Variants in ADA2 observed in about 807,000 individuals in gnomAD.
The protein encoded by ADA2 is adenosine deaminase CECR1.
A neutral mutation model predicts 44.2 loss-of-function variants in ADA2; 29 were observed. The observed-to-expected ratio is 0.66, with a 90% confidence interval of 0.49 to 0.89. The LOEUF is 0.89. Ranked by LOEUF, ADA2 falls within the 40% of genes least tolerant of loss-of-function variation. The probability of loss-of-function intolerance (pLI) is 0.00; values close to 1 mark genes in which losing one functional copy is unlikely to be tolerated. For missense variants in ADA2, 637 were observed against 644.8 expected, an observed-to-expected ratio of 0.99 and a Z score of 0.13; for synonymous variants, 215 against 234.9, an observed-to-expected ratio of 0.92 and a Z score of 0.77.
Position 17,180,711 on chromosome 22 carries a change from T to G in ADA2, c.*772A>C, listed in dbSNP as rs1466088636. ...ACCTCATCAGTTTCTGAGATTCCTG[T>G]GAGCTCTCCAAGTGCATAAATAAAT... On this transcript the variant is annotated 3_prime_UTR_variant, in exon 10 of 10. Transcript: ENST00000399837. The G allele has an allele frequency of 2.0e-5, 3 of 152,184 alleles. No individual in the cohort carries two copies. The highest frequency in any genetic ancestry group is 7.2e-5 in the African/African-American group (3 of 41,434). The allele number at this position is 152,184 out of a possible 1,614,324, so 9.4% of individuals were successfully genotyped here.
rs751424354 is a variant in ADA2 at position 17,191,684 on chromosome 22, T to C, written c.880A>G (p.Arg294Gly). The change falls in exon 5 of 10, where the codon AGA becomes GGA. Residue 294 changes from arginine to glycine, a missense_variant and splice_region_variant. Transcript: ENST00000399837. ...CTTTTCAGCAATATTCTCTCTCACCTGTGATCCGAATAAATGATTTTGATT... is the reference window on the plus strand; with the variant it reads ...CTTTTCAGCAATATTCTCTCTCACCCGTGATCCGAATAAATGATTTTGATT... ...IGIKIIYSDH[R>G]SKDVAVIAES... 1.3e-6 allele frequency: 2 copies of C among 1,596,432 alleles called. No individual in the cohort carries two copies. Among genetic ancestry groups the C allele is most frequent in the Non-Finnish European group, 1.7e-6 (2 of 1,168,536 alleles).
chr22:17,199,438 T>TCTTCCCCTCCCTCCCCTCCTCAATCCA, intron 4 of ADA2: 1 of 995,464 alleles, frequency 1.0e-6, no homozygotes, highest in Non-Finnish European at 1.6e-6. Flanking sequence ...TCCTCTATCC[T>TCTTCCCCTCCCTCCCCTCCTCAATCCA]CTTCCCCTCC....
intron 4 of ADA2, among the ~76,000 whole-genome samples, chr22:17,194,571 C>T (rs1021880389): frequency 2.6e-5 from 4 of 152,136 alleles, no homozygotes; most frequent in Non-Finnish European, 5.9e-5. Context: ...TCTTCTGTTT[C>T]CTCTGCTGCC....
rs907831348 is a variant in ADA2 at position 17,181,138 on chromosome 22, C to T, written c.*345G>A. On this transcript the variant is annotated 3_prime_UTR_variant, in exon 10 of 10. Transcript: ENST00000399837. ...GGGCAACAAGAGCAAAACTCCATCTCGAAAAAATACAAAAATAAAAAAATA... is the reference window on the plus strand; with the variant it reads ...GGGCAACAAGAGCAAAACTCCATCTTGAAAAAATACAAAAATAAAAAAATA... The T allele has an allele frequency of 4.5e-5, 8 of 178,780 alleles. No homozygotes were observed. Among genetic ancestry groups the T allele is most frequent in the Admixed American group, 5.9e-5 (1 of 16,904 alleles). 11.1% of individuals were successfully genotyped at this position (178,780 alleles called of 1,614,324 possible). A position where few individuals can be genotyped will look rare whatever the true frequency, so the allele number is the denominator to read the frequency against.
rs1601419543 is a variant in ADA2, at chr22:17,181,341, C to T, written c.*142G>A. 1.5e-6 allele frequency: 1 copy of T among 672,136 alleles called. No homozygotes were observed. Among genetic ancestry groups the T allele is most frequent in the East Asian group, 2.6e-5 (1 of 39,108 alleles). The allele number at this position is 672,136 out of a possible 1,614,324, so 41.6% of individuals were successfully genotyped here. On this transcript the variant is annotated 3_prime_UTR_variant, in exon 10 of 10. Transcript: ENST00000399837. ...AATATTTCCAGAGGATGAATTTGCT[C>T]AGCCAGCCAAGTGCTTCTCACAGGG...
At chr22:17,206,145 A>ATAGC (rs2062351486) in intron 3 of ADA2, among the ~76,000 whole-genome samples, 1 of 152,098 alleles carries the variant, frequency 6.6e-6, no homozygotes, top group African/African-American at 2.4e-5. Flanking sequence ...GCATCAGACA[A>ATAGC]ATCTCATTTG....
rs554264514 is a variant in ADA2 at position 17,189,933 on chromosome 22, A to G, written c.972+9T>C. 231 of 1,604,864 alleles carry G rather than the reference A, an allele frequency of 1.4e-4. No individual in the cohort carries two copies. The South Asian group carries it at 2.4e-3, about 17-fold the overall frequency. On this transcript the variant is annotated intron_variant, in intron 6 of 9. Coordinates refer to ENST00000399837, the MANE Select transcript of ADA2 (RefSeq NM_001282225.2). ...AACAGGCAGCCCTTCTGTTCACAGCATGGGTTACCAGGTCAAACCCTGCCA... is the reference window on the plus strand; with the variant it reads ...AACAGGCAGCCCTTCTGTTCACAGCGTGGGTTACCAGGTCAAACCCTGCCA...
intron 4 of ADA2, 81 bp from the exon 5 acceptor site, chr22:17,191,891 C>A: frequency 6.9e-7 from 1 of 1,443,898 alleles, no homozygotes; most frequent in Non-Finnish European, 9.2e-7. Flanking sequence ...TGCCCAGCCA[C>A]CCCTGGCCAG....
chr22:17,206,205 T>C (rs1178845848), intron 3 of ADA2, among the ~76,000 whole-genome samples: 1 of 151,276 alleles, frequency 6.6e-6, no homozygotes, highest in African/African-American at 2.4e-5. Context: ...GCCTGTAATC[T>C]CAGCACTTTG....
chr22:17,206,543 T>C (rs1404126894), intron 3 of ADA2, among the ~76,000 whole-genome samples: 1 of 152,228 alleles, frequency 6.6e-6, no homozygotes, highest in Non-Finnish European at 1.5e-5. Context: ...ATAATGCTTT[T>C]TGTAGATTTT....
intron 3 of ADA2, among the ~76,000 whole-genome samples, chr22:17,205,628 AG>A (rs1021111700): frequency 3.3e-5 from 5 of 152,166 alleles, no homozygotes; most frequent in African/African-American, 1.2e-4. Context: ...AAGTAACCTC[AG>A]GGGGGCACTC....
At chr22:17,206,061 CAAG>C (rs1033429807) in intron 3 of ADA2, among the ~76,000 whole-genome samples, 9 of 152,180 alleles carry the variant, frequency 5.9e-5, no homozygotes, top group Admixed American at 1.3e-4. Flanking sequence ...ATCAGATTTT[CAAG>C]AAGATTTATC....
intron 4 of ADA2, among the ~76,000 whole-genome samples, chr22:17,202,991 G>C (rs1338500851): frequency 6.6e-6 from 1 of 151,630 alleles, no homozygotes; most frequent in Non-Finnish European, 1.5e-5. Flanking sequence ...GGCCAGGCTG[G>C]TCTCAAACTC....
rs2062392694 is a variant in ADA2 at position 17,209,455 on chromosome 22, T to C, written c.223A>G (p.Met75Val). The C allele has an allele frequency of 1.2e-6, 2 of 1,614,166 alleles. No homozygotes were observed. The highest frequency in any genetic ancestry group is 1.7e-6 in the Non-Finnish European group (2 of 1,180,028). Residue 75 changes from methionine to valine, a missense_variant, in exon 2 of 10, where the codon ATG becomes GTG. Met to Val is a conservative substitution (Grantham distance 21). Coordinates refer to ENST00000399837, the MANE Select transcript of ADA2 (RefSeq NM_001282225.2). ...TLKIAEMKEA[M>V]RTLIFPPSMH... is the part of the protein sequence containing the mutation. ...CTGGGTGGGAATATCAGGGTCCTCA[T>C]GGCCTCCTTCATCTCAGCGATTTTG...
chr22:17,204,386 A>T (rs2062328703), intron 3 of ADA2, among the ~76,000 whole-genome samples: 1 of 151,734 alleles, frequency 6.6e-6, no homozygotes, highest in African/African-American at 2.4e-5. Context: ...GGAGGCCAAG[A>T]TGGGTGGATC....
intron 3 of ADA2, among the ~76,000 whole-genome samples, chr22:17,205,332 T>TC (rs1339437975): frequency 6.6e-6 from 1 of 152,104 alleles, no homozygotes; most frequent in African/African-American, 2.4e-5. Flanking sequence ...CAGGCTGGTC[T>TC]TGAACTCCTG....
At chr22:17,210,546 A>G (rs1245280845) in intron 1 of ADA2, among the ~76,000 whole-genome samples, 6 of 151,974 alleles carry the variant, frequency 3.9e-5, no homozygotes, top group Admixed American at 3.3e-4. Context: ...TCATGCATAA[A>G]GACACTGCAA....
rs1477571783 is a variant in ADA2 at position 17,183,232 on chromosome 22, C to T, written c.1082-471G>A. Among the ~76,000 whole-genome samples, 9 of 152,110 alleles carry T rather than the reference C, an allele frequency of 5.9e-5. No homozygotes were observed. In the East Asian group the frequency reaches 1.4e-3, roughly 23 times the overall value. On this transcript the variant is annotated intron_variant, in intron 7 of 9. Coordinates refer to ENST00000399837, the MANE Select transcript of ADA2 (RefSeq NM_001282225.2). ...CTGAGTAGCTGGGACTACGGGCACACGCCACCACGCCCAGATAATTTTTTG... is the reference window on the plus strand; with the variant it reads ...CTGAGTAGCTGGGACTACGGGCACATGCCACCACGCCCAGATAATTTTTTG...
chr22:17,207,824 C>T (rs2062372140), intron 2 of ADA2, among the ~76,000 whole-genome samples: 1 of 152,172 alleles, frequency 6.6e-6, no homozygotes, highest in Non-Finnish European at 1.5e-5. Flanking sequence ...TCCATCCTCT[C>T]ATCCTGCCCC....
Sources: gnomAD v4.1 joint callset for allele counts (sites outside exome capture counted in the v4.1 genomes callset) on GRCh38, gnomAD v4.1.1 for gene constraint, MANE v1.5 for transcripts, NCBI Gene and HGNC (gene_info 2026-07-23, HGNC 2026-07-21) for gene names.